MAPK4: variants seen among roughly 807,000 people sequenced by gnomAD.
The protein encoded by MAPK4 is Erk3-related.
MAPK4 carries 22 observed loss-of-function variants against 47.7 expected under a neutral mutation model. That is an observed-to-expected ratio of 0.46 (90% CI 0.33 to 0.66). The LOEUF (loss-of-function observed/expected upper bound fraction) is 0.66, where lower values mean the gene tolerates loss of function less well. MAPK4 is among the 30% of genes least tolerant of loss of function. MAPK4 has a pLI of 0.02. For missense variants in MAPK4, 736 were observed against 831.7 expected (o/e 0.88, Z 1.42); for synonymous variants, 390 against 365.7 (o/e 1.07, Z -0.76).
At chr18:50,662,934 G>A (rs951120210) in intron 1 of MAPK4, among the ~76,000 whole-genome samples, 155 bp from the exon 2 acceptor site, 2 of 152,210 alleles carry the variant, frequency 1.3e-5, no homozygotes, top group Non-Finnish European at 2.9e-5. Flanking sequence ...CAGGAGGGTG[G>A]CTGGGCAGTG....
intron 1 of MAPK4, among the ~76,000 whole-genome samples, chr18:50,613,824 G>A (rs1361949021): frequency 6.6e-6 from 1 of 152,158 alleles, no homozygotes; most frequent in South Asian, 2.1e-4. Context: ...TATCTAGGAA[G>A]TAAGCCAGGG....
intron 1 of MAPK4, among the ~76,000 whole-genome samples, chr18:50,568,081 A>G (rs77385775): frequency 0.04 from 6,135 of 151,852 alleles, 224 homozygotes; most frequent in East Asian, 0.15. Context: ...CTGTAGTCCC[A>G]GCTACTCGGG....
chr18:50,567,554 A>G (rs2042209454), intron 1 of MAPK4, among the ~76,000 whole-genome samples: 2 of 152,248 alleles, frequency 1.3e-5, no homozygotes, highest in African/African-American at 4.8e-5. Context: ...AAAATGGTGT[A>G]CCAGTTTACC....
chr18:50,727,135 G>A (rs919656382), intron 5 of MAPK4, among the ~76,000 whole-genome samples: 6 of 152,200 alleles, frequency 3.9e-5, no homozygotes, highest in Admixed American at 2.6e-4. Context: ...GCCTAGGCAC[G>A]TAATGATCTC....
At chr18:50,705,668 G>T (rs530899095) in intron 2 of MAPK4, 4 of 152,286 alleles carry the variant, frequency 2.6e-5, no homozygotes, top group Admixed American at 2.6e-4. Context: ...CTCCTCGGGG[G>T]AAGAGGTCGG....
At chr18:50,612,942 G>A (rs752699950) in intron 1 of MAPK4, among the ~76,000 whole-genome samples, 4 of 152,190 alleles carry the variant, frequency 2.6e-5, no homozygotes, top group Non-Finnish European at 4.4e-5. Flanking sequence ...TGTAGCCGGA[G>A]AAACATAAGG....
At position 50,605,581 on chromosome 18, in the gene MAPK4, A is replaced by C. The variant is rs923081460; in HGVS notation, c.-871+45338A>C. Among the ~76,000 whole-genome samples, 3 of 152,154 alleles carry C rather than the reference A, an allele frequency of 2.0e-5. No individual in the cohort carries two copies. The East Asian group carries it at 5.8e-4, about 29-fold the overall frequency. ...CAAAAGTTTTTCCAGGGTCACTTCTAACTGGGCAGTTTGCCGATCTCCTTA... is the reference window on the plus strand; with the variant it reads ...CAAAAGTTTTTCCAGGGTCACTTCTCACTGGGCAGTTTGCCGATCTCCTTA... On this transcript the variant is annotated intron_variant, in intron 1 of 5. Transcript: ENST00000400384.
chr18:50,638,070 G>T (rs1288049688), intron 1 of MAPK4, among the ~76,000 whole-genome samples: 2 of 152,192 alleles, frequency 1.3e-5, no homozygotes, highest in African/African-American at 4.8e-5. Context: ...CTTGGTTAAT[G>T]CTGGGTCCTT....
chr18:50,693,238 A>G (rs1378567582), intron 2 of MAPK4, among the ~76,000 whole-genome samples: 5 of 152,160 alleles, frequency 3.3e-5, no homozygotes, highest in Non-Finnish European at 5.9e-5. Flanking sequence ...CAGCCTAGGC[A>G]ACAGAGAGAG....
intron 2 of MAPK4, among the ~76,000 whole-genome samples, chr18:50,703,642 C>T (rs1909904201): frequency 6.6e-6 from 1 of 152,186 alleles, no homozygotes; most frequent in Admixed American, 6.5e-5. Context: ...CCCAGCATTC[C>T]TCACAGCCTG....
At chr18:50,564,066 G>T (rs35119415) in intron 1 of MAPK4, among the ~76,000 whole-genome samples, 9,222 of 152,220 alleles carry the variant, frequency 0.061, 355 homozygotes, top group Non-Finnish European at 0.086. Flanking sequence ...GCCAGTCTTG[G>T]CAAGGGTCCT....
At chr18:50,675,120 C>G (rs1457785408) in intron 2 of MAPK4, among the ~76,000 whole-genome samples, 2 of 152,172 alleles carry the variant, frequency 1.3e-5, no homozygotes, top group Non-Finnish European at 2.9e-5. Context: ...GATGAAGACA[C>G]TAAGGCACAG....
chr18:50,644,854 T>C (rs774007753), intron 1 of MAPK4, among the ~76,000 whole-genome samples: 1 of 152,180 alleles, frequency 6.6e-6, no homozygotes, highest in Non-Finnish European at 1.5e-5. Context: ...ACCAGGCCGA[T>C]AGATGTTTTT....
chr18:50,715,080 G>T lies in MAPK4; in HGVS notation c.548G>T (p.Gly183Val). Residue 183 changes from glycine to valine, a missense_variant and splice_region_variant, in exon 3 of 6, where the codon GGT (glycine) becomes GTT (valine). Gly to Val is a moderately radical substitution (Grantham distance 109, BLOSUM62 -3). Coordinates refer to ENST00000400384, the MANE Select transcript of MAPK4 (RefSeq NM_002747.4). ...GGAACCAGAAATTTTGTCTTTCAGG[G>T]TTATCTGTCAGAAGGGTTGGTAACA... ...RIVDQHYSHK[G>V]YLSEGLVTKW... 2 of 1,613,416 alleles carry T rather than the reference G, an allele frequency of 1.2e-6. No homozygotes were observed. The highest frequency in any genetic ancestry group is 8.5e-7 in the Non-Finnish European group (1 of 1,179,858).
chr18:50,690,451 A>G (rs536453302), intron 2 of MAPK4, among the ~76,000 whole-genome samples: 1 of 152,200 alleles, frequency 6.6e-6, no homozygotes, highest in African/African-American at 2.4e-5. Context: ...AGAGAACCCA[A>G]ACTTATTTGG....
At chr18:50,675,834 C>CCT (rs1165243579) in intron 2 of MAPK4, among the ~76,000 whole-genome samples, 1 of 152,068 alleles carries the variant, frequency 6.6e-6, no homozygotes, top group Non-Finnish European at 1.5e-5. Context: ...ACCTTGTTGG[C>CCT]CAGGCTGGTC....
chr18:50,695,101 T>C (rs1246302967), intron 2 of MAPK4, among the ~76,000 whole-genome samples: 1 of 151,952 alleles, frequency 6.6e-6, no homozygotes, highest in African/African-American at 2.4e-5. Context: ...ATACCAGCAC[T>C]TTGGGAGGCC....
At chr18:50,668,466 G>A (rs560201096) in intron 2 of MAPK4, among the ~76,000 whole-genome samples, 5 of 152,308 alleles carry the variant, frequency 3.3e-5, no homozygotes, top group South Asian at 2.1e-4. Flanking sequence ...AACTGGCCAC[G>A]TCGAGGTTTC....
intron 3 of MAPK4, 127 bp from the exon 4 acceptor site, chr18:50,721,811 G>A (rs183766374): frequency 6.7e-5 from 55 of 822,544 alleles, no homozygotes; most frequent in African/African-American, 4.4e-4. Context: ...CCAGAACCCC[G>A]GTCCCAGCCC....
Sources: allele counts gnomAD v4.1 joint callset (sites outside exome capture counted in the v4.1 genomes callset), GRCh38; gene constraint gnomAD v4.1.1; transcripts MANE v1.5; gene names NCBI Gene and HGNC (gene_info 2026-07-23, HGNC 2026-07-21).